Variants in F10 observed in about 807,000 individuals in gnomAD.
F10 encodes the protein coagulation factor X.
A neutral mutation model predicts 37.1 loss-of-function variants in F10; 29 were observed. That is an observed-to-expected ratio of 0.78 (90% CI 0.58 to 1.07). The LOEUF is 1.07. Ranked by LOEUF, F10 falls within the 50% of genes least tolerant of loss-of-function variation. The pLI, the probability that F10 is intolerant of heterozygous loss-of-function variation, is 0.00. For synonymous variants in F10, 262 were observed against 268.6 expected (o/e 0.98, Z 0.24); for missense variants, 539 against 667.9 (o/e 0.81, Z 2.13).
At chr13:113,133,977 A>T (rs2036456383) in intron 2 of F10, among the ~76,000 whole-genome samples, 1 of 152,230 alleles carries the variant, frequency 6.6e-6, no homozygotes, top group Non-Finnish European at 1.5e-5. Context: ...ACATCCATTT[A>T]TGATTTTATA....
In F10 at chr13:113,143,723, C is replaced by CAGTGTA; in HGVS notation, c.503-128_503-127insAGTGTA. 10 of 1,401,404 alleles carry CAGTGTA rather than the reference C, an allele frequency of 7.1e-6. No homozygotes were observed. The highest frequency in any genetic ancestry group is 4.1e-5 in the Admixed American group (2 of 48,542). 86.8% of individuals were successfully genotyped at this position (1,401,404 alleles called of 1,614,324 possible). On this transcript the variant is annotated intron_variant, in intron 5 of 7. Coordinates refer to ENST00000375559, the MANE Select transcript of F10 (RefSeq NM_000504.4). This position sits in a 1 kb window ranked among gnomAD's most constrained non-coding sequence, Gnocchi z 6.8. ...GACGTGGGGCCTCGCCCTGCAAGCC[C>CAGTGTA]GCTGCCCCTCCGGGTGCCCCTGCGC...
At chr13:113,138,591 T>C in intron 3 of F10, 110 bp downstream of exon 3, 1 of 750,642 alleles carries the variant, frequency 1.3e-6, no homozygotes, top group East Asian at 2.5e-5. Flanking sequence ...TTTTACTCAT[T>C]TAAGACTTTT....
Position 113,143,933 on chromosome 13 carries a change from T to A in F10, c.585T>A (p.Pro195=). The A allele has an allele frequency of 6.2e-7, 1 of 1,613,330 alleles. No homozygotes were observed. Among genetic ancestry groups the A allele is most frequent in the Non-Finnish European group, 8.5e-7 (1 of 1,179,938 alleles). ...CCACCAGCAGCAGCGGGGAGGCCCC[T>A]GACAGCATCACATGGAAGCCATATG... is the stretch of plus-strand genomic sequence containing the variant. The part of the protein sequence containing the change: ...AQATSSSGEA[P]DSITWKPYDA... Residue 195 remains proline, a synonymous_variant, in exon 6 of 8, where the codon CCT becomes CCA. Transcript: ENST00000375559. This position sits in a 1 kb window ranked among gnomAD's most constrained non-coding sequence, Gnocchi z 6.8.
At chr13:113,124,812 G>T (rs2036355500) in intron 1 of F10, among the ~76,000 whole-genome samples, 1 of 152,236 alleles carries the variant, frequency 6.6e-6, no homozygotes, top group East Asian at 1.9e-4. Context: ...CAGCTCTGGA[G>T]GCTGGAAGTT....
chr13:113,143,977 C>T lies in F10; in HGVS notation c.629C>T (p.Pro210Leu), dbSNP rs1405946695. 2 of 1,613,542 alleles carry T rather than the reference C, an allele frequency of 1.2e-6. No homozygotes were observed. The highest frequency in any genetic ancestry group is 1.7e-6 in the Non-Finnish European group (2 of 1,179,998). Residue 210 changes from proline to leucine, a missense_variant, in exon 6 of 8, where the codon CCC (proline) becomes CTC (leucine). This residue lies in a region of F10 where 409 missense variants were observed against 547.9 expected (regional missense o/e 0.75). Coordinates refer to ENST00000375559, the MANE Select transcript of F10 (RefSeq NM_000504.4). This position sits in a 1 kb window ranked among gnomAD's most constrained non-coding sequence, Gnocchi z 6.8. ...CCATATGATGCAGCCGACCTGGACC[C>T]CACCGAGAACCCCTTCGACCTGCTT... ...WKPYDAADLD[P>L]TENPFDLLDF...
In F10 at chr13:113,147,321, A is replaced by G. The variant is rs1595098089; in HGVS notation, c.748-58A>G. 5 of 1,197,990 alleles carry G rather than the reference A, an allele frequency of 4.2e-6. No individual in the cohort carries two copies. The East Asian group carries it at 9.3e-5, about 22-fold the overall frequency. 74.2% of individuals were successfully genotyped at this position (1,197,990 alleles called of 1,614,324 possible). A position where few individuals can be genotyped will look rare whatever the true frequency, so the allele number is the denominator to read the frequency against. On this transcript the variant is annotated intron_variant, in intron 6 of 7. Transcript: ENST00000375559. ...GTGCCACCTGAAGAGCTGGCTTCTC[A>G]GTCAGGCAACACCTGTCCACCTGGC...
chr13:113,138,410 G>A, intron 2 of F10, 47 bp from the exon 3 acceptor site: 1 of 947,248 alleles, frequency 1.1e-6, no homozygotes. Context: ...GGTATAAAAT[G>A]TCTCTGTTTT....
intron 2 of F10, among the ~76,000 whole-genome samples, chr13:113,135,671 G>A (rs1224449512): frequency 6.6e-6 from 1 of 152,184 alleles, no homozygotes; most frequent in African/African-American, 2.4e-5. Flanking sequence ...GACCATAGCA[G>A]TGTTGGAACA....
chr13:113,139,328 A>C lies in F10; in HGVS notation c.257-29A>C, dbSNP rs774290387. 6.3e-7 allele frequency: 1 copy of C among 1,580,454 alleles called. No individual in the cohort carries two copies. The highest frequency in any genetic ancestry group is 8.7e-7 in the Non-Finnish European group (1 of 1,149,928). ...CCATGATGCCGGAAACAGCTTGCAGACTCCAGTTTCGAAATCCTCTCTTTG... is the reference window on the plus strand; with the variant it reads ...CCATGATGCCGGAAACAGCTTGCAGCCTCCAGTTTCGAAATCCTCTCTTTG... On this transcript the variant is annotated intron_variant, in intron 3 of 7. Transcript: ENST00000375559. The surrounding 1 kb of genome is among the most constrained non-coding windows in gnomAD (Gnocchi z 5.2).
At position 113,139,801 on chromosome 13, in the gene F10, C is replaced by T. The variant is rs142960011; in HGVS notation, c.370+331C>T. Among the ~76,000 whole-genome samples, 359 of 152,170 alleles carry T rather than the reference C, an allele frequency of 2.4e-3. 2 individuals carry two copies. Among genetic ancestry groups the T allele is most frequent in the African/African-American group, 8.2e-3 (341 of 41,506 alleles). On this transcript the variant is annotated intron_variant, in intron 4 of 7. Coordinates refer to ENST00000375559, the MANE Select transcript of F10 (RefSeq NM_000504.4). This position sits in a 1 kb window ranked among gnomAD's most constrained non-coding sequence, Gnocchi z 5.2. ...TCTCTGTTTTCCTTGGGGCCAAGTGCATTGCCCTGTTATTCCTGCTCCTTG... is the reference window on the plus strand; with the variant it reads ...TCTCTGTTTTCCTTGGGGCCAAGTGTATTGCCCTGTTATTCCTGCTCCTTG...
At chr13:113,127,816 A>G (rs1254530664) in intron 1 of F10, among the ~76,000 whole-genome samples, 2 of 152,200 alleles carry the variant, frequency 1.3e-5, no homozygotes, top group African/African-American at 4.8e-5. Flanking sequence ...CAATCCCCAC[A>G]TAACAAAGAG....
Position 113,141,188 on chromosome 13 carries a change from G to A in F10, c.502+138G>A. ...ACAGTGACACCAAGAGGACAGGACT[G>A]AGCCCTGGGCTCCGGGCCCAGGTGG... On this transcript the variant is annotated intron_variant, in intron 5 of 7. Transcript: ENST00000375559. This position sits in a 1 kb window ranked among gnomAD's most constrained non-coding sequence, Gnocchi z 5.4. 1.6e-6 allele frequency: 2 copies of A among 1,274,478 alleles called. No individual in the cohort carries two copies. The highest frequency in any genetic ancestry group is 2.2e-6 in the Non-Finnish European group (2 of 914,188). 78.9% of individuals were successfully genotyped at this position (1,274,478 alleles called of 1,614,324 possible). A position where few individuals can be genotyped will look rare whatever the true frequency, so the allele number is the denominator to read the frequency against.
At chr13:113,134,580 C>T (rs181926999) in intron 2 of F10, among the ~76,000 whole-genome samples, 1 of 152,302 alleles carries the variant, frequency 6.6e-6, no homozygotes, top group Non-Finnish European at 1.5e-5. Context: ...CACTTGGTCC[C>T]TCTCACTACA....
chr13:113,139,868 TATGG>T lies in F10; in HGVS notation c.370+402_370+405del, dbSNP rs2036511349. 1.3e-5 allele frequency among the ~76,000 whole-genome samples: 2 copies of T among 152,280 alleles called. No individual in the cohort carries two copies. The highest frequency in any genetic ancestry group is 1.3e-4 in the Admixed American group (2 of 15,304). The stretch of plus-strand genomic sequence containing the variant: ...TTCTAAATCACCTCTTATTTATGTG[TATGG>T]ATGCAGGTGTCAATATTTGTGAATA... On this transcript the variant is annotated intron_variant, in intron 4 of 7. Transcript: ENST00000375559. The surrounding 1 kb of genome is among the most constrained non-coding windows in gnomAD (Gnocchi z 5.2).
chr13:113,138,931 A>C (rs1458573626), intron 3 of F10, among the ~76,000 whole-genome samples: 1 of 152,234 alleles, frequency 6.6e-6, no homozygotes, highest in Non-Finnish European at 1.5e-5. Flanking sequence ...GATTGTGTAA[A>C]TCCTCCAAGA....
Position 113,144,883 on chromosome 13 carries a change from T to C in F10, c.747+788T>C, listed in dbSNP as rs1262116031. Among the ~76,000 whole-genome samples the C allele has an allele frequency of 7.0e-6, 1 of 142,632 alleles. No individual in the cohort carries two copies. Among genetic ancestry groups the C allele is most frequent in the Non-Finnish European group, 1.5e-5 (1 of 65,258 alleles). The allele number at this position is 142,632 out of a possible 152,430, so 93.6% of individuals were successfully genotyped here. A position where few individuals can be genotyped will look rare whatever the true frequency, so the allele number is the denominator to read the frequency against. On this transcript the variant is annotated intron_variant, in intron 6 of 7. Coordinates refer to ENST00000375559, the MANE Select transcript of F10 (RefSeq NM_000504.4). This position sits in a 1 kb window ranked among gnomAD's most constrained non-coding sequence, Gnocchi z 6.4. Reference sequence around the variant, plus strand: ...CGCCCGCTACTTACGCCTGGCTAATTTTTTTTTTTTTTTGAGACGGAGTCT... The same window carrying C: ...CGCCCGCTACTTACGCCTGGCTAATCTTTTTTTTTTTTTGAGACGGAGTCT...
rs1319922942 is a variant in F10, at chr13:113,141,018, T to C, written c.470T>C (p.Leu157Pro). 1 of 1,614,046 alleles carries C rather than the reference T, an allele frequency of 6.2e-7. No individual in the cohort carries two copies. The highest frequency in any genetic ancestry group is 8.5e-7 in the Non-Finnish European group (1 of 1,180,042). The change falls in exon 5 of 8, where the codon CTG becomes CCG. Residue 157 changes from leucine to proline, a missense_variant. Transcript: ENST00000375559. This position sits in a 1 kb window ranked among gnomAD's most constrained non-coding sequence, Gnocchi z 5.4. ...TGCTCCTGCGCCCGCGGGTACACCC[T>C]GGCTGACAACGGCAAGGCCTGCATT... ...VVCSCARGYT[L>P]ADNGKACIPT...
chr13:113,125,839 G>A (rs761990073), intron 1 of F10, among the ~76,000 whole-genome samples: 19 of 152,234 alleles, frequency 1.2e-4, no homozygotes, highest in African/African-American at 4.3e-4. Flanking sequence ...TTTTTCCAGC[G>A]GAGGGAAGGA....
At chr13:113,125,193 A>C (rs1448088474) in intron 1 of F10, among the ~76,000 whole-genome samples, 1 of 152,154 alleles carries the variant, frequency 6.6e-6, no homozygotes, top group Admixed American at 6.5e-5. Flanking sequence ...CTGCAATCCA[A>C]CTTTTTATTT....
Sources: gnomAD v4.1 joint callset for allele counts (sites outside exome capture counted in the v4.1 genomes callset) on GRCh38, gnomAD v4.1.1 for gene constraint, gnomAD v4.1.1 regional missense constraint, Gnocchi (gnomAD v3.1) non-coding constraint, MANE v1.5 for transcripts, NCBI Gene and HGNC (gene_info 2026-07-23, HGNC 2026-07-21) for gene names.